Variants in XPR1 observed in about 807,000 individuals in gnomAD.
XPR1 encodes the protein solute carrier family 53 member 1.
In XPR1, 28 loss-of-function variants were observed where a neutral mutation model predicts 87.5. That is an observed-to-expected ratio of 0.32 (90% confidence interval 0.24 to 0.44). XPR1 has a LOEUF of 0.44. XPR1 is among the 20% of genes least tolerant of loss of function. XPR1 has a pLI of 1.00. For missense variants in XPR1, 559 were observed against 862.3 expected (o/e 0.65, Z 4.41); for synonymous variants, 300 against 306.1 (o/e 0.98, Z 0.21).
intron 2 of XPR1, among the ~76,000 whole-genome samples, chr1:180,740,534 T>C (rs1484353648): frequency 6.6e-6 from 1 of 152,202 alleles, no homozygotes; most frequent in African/African-American, 2.4e-5. Context: ...TATGCTATTC[T>C]TTTTACATAT....
intron 2 of XPR1, among the ~76,000 whole-genome samples, chr1:180,774,908 A>G (rs941752767): frequency 1.1e-4 from 16 of 152,236 alleles, no homozygotes; most frequent in African/African-American, 2.9e-4. Flanking sequence ...GTAGTGCCTG[A>G]TAAAGGCTTG....
chr1:180,644,714 T>C (rs558920781), intron 1 of XPR1, among the ~76,000 whole-genome samples: 1 of 152,226 alleles, frequency 6.6e-6, no homozygotes, highest in East Asian at 1.9e-4. Context: ...CAGGGACCGG[T>C]TTTGTGGAAG....
chr1:180,796,100 G>A (rs1010839273), intron 3 of XPR1, among the ~76,000 whole-genome samples: 2 of 152,152 alleles, frequency 1.3e-5, no homozygotes, highest in African/African-American at 2.4e-5. Flanking sequence ...GAGCGACTGC[G>A]CCTGGCCTCA....
rs1407599957 is a variant in XPR1, at chr1:180,835,003, A to C, written c.1264A>C (p.Lys422Gln). The change falls in exon 10 of 15, where the codon AAA becomes CAA. Residue 422 changes from lysine to glutamine, a missense_variant. Lys to Gln is a moderately conservative substitution (Grantham distance 53). Coordinates refer to ENST00000367590, the MANE Select transcript of XPR1 (RefSeq NM_004736.4). Reference protein sequence around the residue: ...YMICFYSLELKWDESKGLLPN... With the variant: ...YMICFYSLELQWDESKGLLPN... ...GATCTGCTTCTACAGTTTGGAGCTC[A>C]AATGGGATGAAAGTAAGGGCCTGTT... is the stretch of plus-strand genomic sequence containing the variant. 2 of 1,614,152 alleles carry C rather than the reference A, an allele frequency of 1.2e-6. No homozygotes were observed. The highest frequency in any genetic ancestry group is 3.3e-4 in the Middle Eastern group (2 of 6,062).
intron 2 of XPR1, among the ~76,000 whole-genome samples, chr1:180,749,873 A>T (rs1275538110): frequency 6.6e-6 from 1 of 152,204 alleles, no homozygotes; most frequent in Non-Finnish European, 1.5e-5. Flanking sequence ...CTTTAATATT[A>T]TCACTTTTCA....
intron 2 of XPR1, among the ~76,000 whole-genome samples, chr1:180,779,919 G>A (rs1042604660): frequency 6.6e-6 from 1 of 151,774 alleles, no homozygotes; most frequent in Non-Finnish European, 1.5e-5. Flanking sequence ...AAATGGATTC[G>A]TACAACATGT....
At chr1:180,634,432 A>C (rs1285451229) in intron 1 of XPR1, among the ~76,000 whole-genome samples, 1 of 152,156 alleles carries the variant, frequency 6.6e-6, no homozygotes, top group Admixed American at 6.5e-5. Context: ...TTGTTTCTGA[A>C]GAGTTGGTGC....
At chr1:180,692,166 A>G (rs1657015899) in intron 2 of XPR1, among the ~76,000 whole-genome samples, 1 of 152,020 alleles carries the variant, frequency 6.6e-6, no homozygotes, top group South Asian at 2.1e-4. Flanking sequence ...TAGCTTTTCT[A>G]AGTTCCATTT....
intron 1 of XPR1, among the ~76,000 whole-genome samples, chr1:180,660,514 G>T (rs959726010): frequency 4.6e-5 from 7 of 151,820 alleles, no homozygotes. Context: ...TACTTCTTTT[G>T]CTGTTTCCCA....
At chr1:180,634,042 C>G (rs116386122) in intron 1 of XPR1, among the ~76,000 whole-genome samples, 9 of 152,128 alleles carry the variant, frequency 5.9e-5, no homozygotes, top group African/African-American at 2.2e-4. Flanking sequence ...GAGAAGCATA[C>G]GATTTAGTTT....
intron 1 of XPR1, among the ~76,000 whole-genome samples, chr1:180,672,582 T>C (rs1656216869): frequency 6.6e-6 from 1 of 152,182 alleles, no homozygotes; most frequent in Non-Finnish European, 1.5e-5. Flanking sequence ...CTGTCCTGTT[T>C]ATTTTAGTAT....
chr1:180,801,362 T>A (rs1292832723), intron 3 of XPR1, among the ~76,000 whole-genome samples: 1 of 152,168 alleles, frequency 6.6e-6, no homozygotes, highest in East Asian at 1.9e-4. Context: ...GTAAGAGTGG[T>A]CCCTAGGAGC....
chr1:180,872,783 C>G lies in XPR1; in HGVS notation c.1669-1020C>G, dbSNP rs931011565. Among the ~76,000 whole-genome samples the G allele has an allele frequency of 3.3e-5, 5 of 151,474 alleles. No individual in the cohort carries two copies. The South Asian group carries it at 8.3e-4, about 25-fold the overall frequency. On this transcript the variant is annotated intron_variant, in intron 12 of 14. Coordinates refer to ENST00000367590, the MANE Select transcript of XPR1 (RefSeq NM_004736.4). ...TGCAGAAATCACCCGTCTTCTGCGTCGCTCACGCTGGGAGCTGTAGACCGG... is the reference window on the plus strand; with the variant it reads ...TGCAGAAATCACCCGTCTTCTGCGTGGCTCACGCTGGGAGCTGTAGACCGG...
At chr1:180,724,080 A>C (rs1394692651) in intron 2 of XPR1, among the ~76,000 whole-genome samples, 4 of 152,226 alleles carry the variant, frequency 2.6e-5, no homozygotes, top group Non-Finnish European at 5.9e-5. Context: ...GGTAGTCAAA[A>C]AAATGAGTAA....
chr1:180,884,090 T>A lies in XPR1; in HGVS notation c.*24T>A, dbSNP rs746984966. 1.1e-5 allele frequency: 17 copies of A among 1,611,248 alleles called. No homozygotes were observed. In the South Asian group the frequency reaches 1.9e-4, roughly 18 times the overall value. ...GAATTTTCTGAAGTCTAGCTTAACATCTTTGGTTTTCCTACTCTACAATCC... is the reference window on the plus strand; with the variant it reads ...GAATTTTCTGAAGTCTAGCTTAACAACTTTGGTTTTCCTACTCTACAATCC... On this transcript the variant is annotated 3_prime_UTR_variant, in exon 15 of 15. Transcript: ENST00000367590.
intron 13 of XPR1, chr1:180,874,163 G>A (rs1337629098): frequency 2.1e-5 from 10 of 479,688 alleles, no homozygotes; most frequent in Non-Finnish European, 3.6e-5. Flanking sequence ...CCAAAGTGCT[G>A]GGATTACAGG....
rs537626261 is a variant in XPR1 at position 180,632,349 on chromosome 1, C to T, written c.69+79C>T. On this transcript the variant is annotated intron_variant, in intron 1 of 14. Transcript: ENST00000367590. ...TCCTGACGTCCACCGCCGCCTTCCG[C>T]TTCAGCTGGCTCCCTGTGCCCGGGC... is the stretch of plus-strand genomic sequence containing the variant. 1.8e-4 allele frequency: 279 copies of T among 1,514,960 alleles called. No homozygotes were observed. The African/African-American group carries it at 3.6e-3, about 19-fold the overall frequency. 93.8% of individuals were successfully genotyped at this position (1,514,960 alleles called of 1,614,324 possible).
chr1:180,814,795 A>C (rs973874242), intron 7 of XPR1, among the ~76,000 whole-genome samples: 2 of 152,228 alleles, frequency 1.3e-5, no homozygotes, highest in African/African-American at 4.8e-5. Context: ...AGCATCAGGG[A>C]ATACTTCATG....
At chr1:180,657,675 C>G (rs1557942399) in intron 1 of XPR1, among the ~76,000 whole-genome samples, 1 of 152,132 alleles carries the variant, frequency 6.6e-6, no homozygotes, top group Non-Finnish European at 1.5e-5. Context: ...TAGTACCATG[C>G]TATTTTGGTC....
Sources: gnomAD v4.1 joint callset for allele counts (sites outside exome capture counted in the v4.1 genomes callset) on GRCh38, gnomAD v4.1.1 for gene constraint, MANE v1.5 for transcripts, NCBI Gene and HGNC (gene_info 2026-07-23, HGNC 2026-07-21) for gene names.